Variants in LCLAT1 observed in about 807,000 individuals in gnomAD.
LCLAT1 encodes lysocardiolipin acyltransferase 1, also known as 1-AGP acyltransferase 8.
Under a neutral mutation model 30.7 loss-of-function variants are expected in LCLAT1, and 11 were observed. That is an observed-to-expected ratio of 0.36 (90% CI 0.23 to 0.59). The LOEUF (loss-of-function observed/expected upper bound fraction) is 0.59. Among genes scored for constraint, LCLAT1 ranks in the 20% least tolerant of loss-of-function variants. The probability of loss-of-function intolerance (pLI) is 0.77; values close to 1 mark genes in which losing one functional copy is unlikely to be tolerated. For missense variants in LCLAT1, 402 were observed against 458.6 expected, an observed-to-expected ratio of 0.88 and a Z score of 1.13; for synonymous variants, 155 against 151.3, an observed-to-expected ratio of 1.02 and a Z score of -0.18.
chr2:30,632,796 G>A (rs547591540), intron 5 of LCLAT1, among the ~76,000 whole-genome samples: 5 of 152,330 alleles, frequency 3.3e-5, no homozygotes, highest in South Asian at 2.1e-4. Context: ...TGCCAAAGCC[G>A]TAGAGCTGGT....
intron 1 of LCLAT1, among the ~76,000 whole-genome samples, chr2:30,504,925 G>A (rs1239253348): frequency 6.6e-6 from 1 of 152,088 alleles, no homozygotes; most frequent in Non-Finnish European, 1.5e-5. Flanking sequence ...AGCCTTTTGG[G>A]GGAGGGTGTG....
At chr2:30,574,066 T>TG (rs1665894372) in intron 5 of LCLAT1, among the ~76,000 whole-genome samples, 1 of 151,896 alleles carries the variant, frequency 6.6e-6, no homozygotes, top group Non-Finnish European at 1.5e-5. Context: ...CGCTTGAACC[T>TG]GGGAGGTGGA....
chr2:30,637,257 C>T (rs1427861709), intron 5 of LCLAT1, among the ~76,000 whole-genome samples: 1 of 151,540 alleles, frequency 6.6e-6, no homozygotes, highest in Non-Finnish European at 1.5e-5. Context: ...AAATATTAAA[C>T]TAGCTTGTAC....
At chr2:30,461,454 T>A (rs1682122616) in intron 1 of LCLAT1, among the ~76,000 whole-genome samples, 1 of 152,090 alleles carries the variant, frequency 6.6e-6, no homozygotes, top group Non-Finnish European at 1.5e-5. Flanking sequence ...TGAAACGGGG[T>A]CTCACTATGT....
intron 5 of LCLAT1, among the ~76,000 whole-genome samples, chr2:30,626,560 G>T (rs545123681): frequency 6.6e-6 from 1 of 152,102 alleles, no homozygotes; most frequent in Non-Finnish European, 1.5e-5. Flanking sequence ...CCCTCAGTCA[G>T]ATCCATAGGG....
At chr2:30,640,054 A>C (rs938622942) in intron 5 of LCLAT1, 63 bp from the exon 6 acceptor site, 2 of 1,351,002 alleles carry the variant, frequency 1.5e-6, no homozygotes, top group Admixed American at 3.9e-5. Flanking sequence ...CTGCAGTGTG[A>C]ATCAGCATTA....
intron 1 of LCLAT1, among the ~76,000 whole-genome samples, chr2:30,470,126 C>A (rs1383683645): frequency 1.3e-5 from 2 of 152,044 alleles, no homozygotes; most frequent in Non-Finnish European, 2.9e-5. Flanking sequence ...GGTTACAGGG[C>A]CAGTTGAGTC....
intron 1 of LCLAT1, among the ~76,000 whole-genome samples, chr2:30,520,586 A>C (rs1488076018): frequency 6.6e-6 from 1 of 152,216 alleles, no homozygotes; most frequent in East Asian, 1.9e-4. Flanking sequence ...TGTAAAATTA[A>C]GGTAATGAAA....
At chr2:30,512,906 C>G (rs953629211) in intron 1 of LCLAT1, among the ~76,000 whole-genome samples, 1 of 152,092 alleles carries the variant, frequency 6.6e-6, no homozygotes, top group Admixed American at 6.6e-5. Flanking sequence ...ATCCATTTCT[C>G]TGTGTACTCC....
At chr2:30,551,064 G>C (rs4952146) in intron 3 of LCLAT1, among the ~76,000 whole-genome samples, 19,267 of 152,118 alleles carry the variant, frequency 0.13, 1,357 homozygotes, top group South Asian at 0.23. Context: ...CTGCATCCTT[G>C]ACCTCCTGGG....
chr2:30,504,576 G>A (rs989653552), intron 1 of LCLAT1, among the ~76,000 whole-genome samples: 4 of 152,062 alleles, frequency 2.6e-5, no homozygotes, highest in Non-Finnish European at 5.9e-5. Context: ...CTTCCTAAGG[G>A]GTATGGGTTG....
At chr2:30,603,611 T>G (rs1403734148) in intron 5 of LCLAT1, among the ~76,000 whole-genome samples, 1 of 152,148 alleles carries the variant, frequency 6.6e-6, no homozygotes, top group East Asian at 1.9e-4. Context: ...TGTTGAAGGA[T>G]GTATTGTAAC....
chr2:30,580,314 C>T (rs1214650382), intron 5 of LCLAT1, among the ~76,000 whole-genome samples: 1 of 152,164 alleles, frequency 6.6e-6, no homozygotes, highest in Non-Finnish European at 1.5e-5. Flanking sequence ...TGGATATCCA[C>T]AGGCTGAAAT....
At chr2:30,597,360 T>A (rs1666968542) in intron 5 of LCLAT1, among the ~76,000 whole-genome samples, 2 of 152,184 alleles carry the variant, frequency 1.3e-5, no homozygotes, top group Admixed American at 1.3e-4. Context: ...ATCCTTTACT[T>A]CCCTCGCTAG....
intron 5 of LCLAT1, among the ~76,000 whole-genome samples, chr2:30,585,825 A>G (rs530906486): frequency 2.0e-5 from 3 of 152,220 alleles, no homozygotes; most frequent in South Asian, 2.1e-4. Flanking sequence ...TGCCTTCTCT[A>G]TACCTGTACT....
chr2:30,451,046 A>G (rs763608090), intron 1 of LCLAT1, among the ~76,000 whole-genome samples: 9 of 152,234 alleles, frequency 5.9e-5, no homozygotes, highest in Non-Finnish European at 1.2e-4. Context: ...CATTTTAAAA[A>G]TGCATAGATG....
chr2:30,449,328 C>A (rs1681425441), intron 1 of LCLAT1, among the ~76,000 whole-genome samples: 1 of 152,072 alleles, frequency 6.6e-6, no homozygotes, highest in Non-Finnish European at 1.5e-5. Context: ...ATATTTCAAG[C>A]CAGTAGTTTT....
Position 30,643,984 on chromosome 2 carries a change from T to C in LCLAT1, c.*3365T>C, listed in dbSNP as rs1248284030. On this transcript the variant is annotated 3_prime_UTR_variant, in exon 6 of 6. Coordinates refer to ENST00000379509, the MANE Select transcript of LCLAT1 (RefSeq NM_001002257.3). Reference sequence around the variant, plus strand: ...CTGTAGAAAACGAAAATGGTTTTGCTACCTGATAAGCTTCAGATTAGATAT... The same window carrying C: ...CTGTAGAAAACGAAAATGGTTTTGCCACCTGATAAGCTTCAGATTAGATAT... 1 of 152,464 alleles carries C rather than the reference T, an allele frequency of 6.6e-6. No homozygotes were observed. Among genetic ancestry groups the C allele is most frequent in the African/African-American group, 2.4e-5 (1 of 41,460 alleles). The allele number at this position is 152,464 out of a possible 1,614,324, so 9.4% of individuals were successfully genotyped here.
At chr2:30,584,913 C>G (rs77797026) in intron 5 of LCLAT1, among the ~76,000 whole-genome samples, 66 of 142,362 alleles carry the variant, frequency 4.6e-4, no homozygotes, top group African/African-American at 1.6e-3. Context: ...GAACCACTTG[C>G]TGCCCTGATA....
Sources: allele counts gnomAD v4.1 joint callset (sites outside exome capture counted in the v4.1 genomes callset), GRCh38; gene constraint gnomAD v4.1.1; transcripts MANE v1.5; gene names NCBI Gene and HGNC (gene_info 2026-07-23, HGNC 2026-07-21).